Variants in ADAMTS18 observed in about 807,000 individuals in gnomAD.
ADAMTS18 encodes the protein ADAM metallopeptidase with thrombospondin type 1 motif 18.
Under a neutral mutation model 165.9 loss-of-function variants are expected in ADAMTS18, and 157 were observed. The observed-to-expected ratio is 0.95, with a 90% CI of 0.83 to 1.08. The LOEUF (loss-of-function observed/expected upper bound fraction) is 1.08. Ranked by LOEUF, ADAMTS18 falls within the 50% of genes least tolerant of loss-of-function variation. The probability of loss-of-function intolerance (pLI) is 0.00; values close to 1 mark genes in which losing one functional copy is unlikely to be tolerated. For synonymous variants in ADAMTS18, 782 were observed against 578.2 expected (o/e 1.35, Z -5.06); for missense variants, 2,040 against 1,534.0 (o/e 1.33, Z -5.51).
intron 4 of ADAMTS18, among the ~76,000 whole-genome samples, chr16:77,365,009 G>C (rs8058260): frequency 3.9e-5 from 6 of 152,096 alleles, no homozygotes; most frequent in African/African-American, 1.4e-4. Flanking sequence ...GGGAGGCTGA[G>C]GCAGGCGGAT....
chr16:77,413,802 C>A (rs1180127172), intron 3 of ADAMTS18, among the ~76,000 whole-genome samples: 3 of 101,440 alleles, frequency 3.0e-5, no homozygotes, highest in South Asian at 3.0e-4. Flanking sequence ...AAGAGGTTTC[C>A]ATCTGAAAAA....
At chr16:77,323,877 A>T (rs2056048027) in intron 13 of ADAMTS18, among the ~76,000 whole-genome samples, 1 of 152,212 alleles carries the variant, frequency 6.6e-6, no homozygotes, top group Non-Finnish European at 1.5e-5. Flanking sequence ...CATCTAGCAA[A>T]GTGTCTCCTA....
intron 3 of ADAMTS18, among the ~76,000 whole-genome samples, chr16:77,393,657 C>T (rs981961021): frequency 6.6e-6 from 1 of 152,156 alleles, no homozygotes; most frequent in Non-Finnish European, 1.5e-5. Flanking sequence ...AGAAGAGGGC[C>T]CTCTCCAGAA....
chr16:77,422,377 T>C (rs2057614487), intron 3 of ADAMTS18, among the ~76,000 whole-genome samples: 1 of 151,446 alleles, frequency 6.6e-6, no homozygotes, highest in South Asian at 2.1e-4. Flanking sequence ...TGGCCACACA[T>C]GCAGAAGGAA....
chr16:77,293,773 G>A lies in ADAMTS18; in HGVS notation c.3007-515C>T, dbSNP rs568249090. 4.7e-5 allele frequency among the ~76,000 whole-genome samples: 7 copies of A among 148,692 alleles called. No homozygotes were observed. The South Asian group carries it at 8.8e-4, about 19-fold the overall frequency. ...CATAAGTAACATGCATCCTAGATCC[G>A]TCACCTGTGCAGTTCACAACAGGGT... On this transcript the variant is annotated intron_variant, in intron 19 of 22. Coordinates refer to ENST00000282849, the MANE Select transcript of ADAMTS18 (RefSeq NM_199355.4).
intron 3 of ADAMTS18, among the ~76,000 whole-genome samples, chr16:77,398,310 C>G (rs2057284436): frequency 6.6e-6 from 1 of 150,924 alleles, no homozygotes; most frequent in African/African-American, 2.4e-5. Context: ...GAGAGACACT[C>G]TGTCTCAAAA....
intron 17 of ADAMTS18, among the ~76,000 whole-genome samples, chr16:77,298,506 T>A (rs1040371077): frequency 6.6e-6 from 1 of 152,048 alleles, no homozygotes; most frequent in Non-Finnish European, 1.5e-5. Flanking sequence ...GAAAACCACA[T>A]CAAGGCCGGG....
chr16:77,349,736 A>T (rs2056528843), intron 10 of ADAMTS18, among the ~76,000 whole-genome samples: 1 of 152,180 alleles, frequency 6.6e-6, no homozygotes, highest in Non-Finnish European at 1.5e-5. Flanking sequence ...TACATATCCT[A>T]AAATGCTTGA....
intron 3 of ADAMTS18, among the ~76,000 whole-genome samples, chr16:77,384,914 T>G (rs12931828): frequency 1.9e-4 from 14 of 73,102 alleles, no homozygotes; most frequent in East Asian, 1.4e-3. Context: ...GATAAGGTTT[T>G]TTTTTTTTTT....
chr16:77,354,522 C>A (rs901548819), intron 9 of ADAMTS18, among the ~76,000 whole-genome samples: 2 of 151,782 alleles, frequency 1.3e-5, no homozygotes, highest in East Asian at 3.9e-4. Context: ...ATTCTTAGCA[C>A]CTTATCTCCA....
chr16:77,306,010 T>C (rs903469685), intron 16 of ADAMTS18, among the ~76,000 whole-genome samples: 1 of 152,082 alleles, frequency 6.6e-6, no homozygotes, highest in Non-Finnish European at 1.5e-5. Flanking sequence ...GAGCACCGCA[T>C]CCCTCCCGTA....
chr16:77,314,633 GTA>G (rs1445050271), intron 16 of ADAMTS18, among the ~76,000 whole-genome samples: 6 of 116,234 alleles, frequency 5.2e-5, no homozygotes, highest in African/African-American at 1.9e-4. Context: ...AAATGTGTGT[GTA>G]TGTGTGTGTG....
At chr16:77,427,532 T>C (rs1033858973) in intron 3 of ADAMTS18, among the ~76,000 whole-genome samples, 1 of 152,226 alleles carries the variant, frequency 6.6e-6, no homozygotes, top group Admixed American at 6.5e-5. Flanking sequence ...GGTTAATCTG[T>C]ACCTCTGAGA....
At chr16:77,422,406 G>C (rs1273463699) in intron 3 of ADAMTS18, among the ~76,000 whole-genome samples, 1 of 151,730 alleles carries the variant, frequency 6.6e-6, no homozygotes, top group Non-Finnish European at 1.5e-5. Flanking sequence ...GAAGCAAGAA[G>C]AGCCAAGAGA....
intron 10 of ADAMTS18, among the ~76,000 whole-genome samples, chr16:77,348,515 G>A (rs911316417): frequency 1.3e-5 from 2 of 152,186 alleles, no homozygotes; most frequent in African/African-American, 2.4e-5. Flanking sequence ...TGGCATGCCT[G>A]CTCAGATATA....
At chr16:77,385,966 G>C (rs141105707) in intron 3 of ADAMTS18, among the ~76,000 whole-genome samples, 1 of 152,338 alleles carries the variant, frequency 6.6e-6, no homozygotes, top group Non-Finnish European at 1.5e-5. Flanking sequence ...GGAGAACAAA[G>C]AACTGTCCAA....
chr16:77,352,198 T>C (rs1280872144), intron 10 of ADAMTS18, among the ~76,000 whole-genome samples: 1 of 152,204 alleles, frequency 6.6e-6, no homozygotes, highest in Non-Finnish European at 1.5e-5. Context: ...AAACCTATGA[T>C]TTGATGAATA....
rs980078691 is a variant in ADAMTS18 at position 77,325,853 on chromosome 16, G to C, written c.2032+13C>G. The C allele has an allele frequency of 5.0e-6, 8 of 1,609,934 alleles. No individual in the cohort carries two copies. The highest frequency in any genetic ancestry group is 1.1e-5 in the South Asian group (1 of 90,888). Reference sequence around the variant, plus strand: ...CATAGAGACTTATTTGAATGTCATAGAGACCAAATTACCTTCCACTTTTGT... The same window carrying C: ...CATAGAGACTTATTTGAATGTCATACAGACCAAATTACCTTCCACTTTTGT... On this transcript the variant is annotated intron_variant, in intron 13 of 22. Coordinates refer to ENST00000282849, the MANE Select transcript of ADAMTS18 (RefSeq NM_199355.4).
intron 3 of ADAMTS18, among the ~76,000 whole-genome samples, chr16:77,422,995 T>TCA (rs1280797515): frequency 1.3e-5 from 2 of 152,058 alleles, no homozygotes; most frequent in Non-Finnish European, 2.9e-5. Context: ...TGACTCTGAG[T>TCA]CCCCCATAGG....
Sources: gnomAD v4.1 joint callset for allele counts (sites outside exome capture counted in the v4.1 genomes callset) on GRCh38, gnomAD v4.1.1 for gene constraint, MANE v1.5 for transcripts, NCBI Gene and HGNC (gene_info 2026-07-23, HGNC 2026-07-21) for gene names.